ADAM29: variants seen among roughly 807,000 people sequenced by gnomAD.
The protein encoded by ADAM29 is ADAM metallopeptidase domain 29.
For synonymous variants in ADAM29, 367 were observed against 342.3 expected (o/e 1.07, Z -0.80); for missense variants, 969 against 1,001.8 (o/e 0.97, Z 0.44).
At position 174,941,126 on chromosome 4, in the gene ADAM29, A is replaced by G. The variant is rs758909031; in HGVS notation, c.-181+4113A>G. ...AAGCCTGTTAAATTAAGGATTATAG[A>G]TGGTATAAAAAAGAAGAAATTTCAA... On this transcript the variant is annotated intron_variant, in intron 4 of 4. Coordinates refer to ENST00000359240, the MANE Select transcript of ADAM29 (RefSeq NM_014269.4). Among the ~76,000 whole-genome samples, 3 of 152,308 alleles carry G rather than the reference A, an allele frequency of 2.0e-5. No individual in the cohort carries two copies. The East Asian group carries it at 5.8e-4, about 29-fold the overall frequency.
At chr4:174,924,404 T>C (rs1016255294) in intron 2 of ADAM29, among the ~76,000 whole-genome samples, 1 of 151,974 alleles carries the variant, frequency 6.6e-6, no homozygotes, top group Non-Finnish European at 1.5e-5. Flanking sequence ...AGCTTGGGAG[T>C]TTCTTACAAA....
intron 4 of ADAM29, among the ~76,000 whole-genome samples, chr4:174,961,604 G>A (rs1313318882): frequency 3.3e-5 from 5 of 151,872 alleles, no homozygotes; most frequent in Admixed American, 6.6e-5. Context: ...ATCATTTCTC[G>A]TTATTACTAC....
At chr4:174,941,859 A>C (rs1744558668) in intron 4 of ADAM29, among the ~76,000 whole-genome samples, 1 of 152,184 alleles carries the variant, frequency 6.6e-6, no homozygotes, top group African/African-American at 2.4e-5. Flanking sequence ...GTGATAAAAA[A>C]AAGTCCCTTT....
At position 174,969,002 on chromosome 4, in the gene ADAM29, GA is replaced by G. The variant is rs538869680; in HGVS notation, c.-180-6335del. Among the ~76,000 whole-genome samples the G allele has an allele frequency of 6.2e-4, 81 of 130,028 alleles. No individual in the cohort carries two copies. The South Asian group carries it at 0.018, about 29-fold the overall frequency. 85.3% of individuals were successfully genotyped at this position (130,028 alleles called of 152,430 possible). ...TTTTTGCATAAGGGGATTGGTTCTA[GA>G]AAAAAAAAGAAAGATGAGAGGATCT... On this transcript the variant is annotated intron_variant, in intron 4 of 4. Transcript: ENST00000359240.
At chr4:174,951,301 T>C (rs1211700798) in intron 4 of ADAM29, among the ~76,000 whole-genome samples, 1 of 152,210 alleles carries the variant, frequency 6.6e-6, no homozygotes. Flanking sequence ...CTTCAAAACA[T>C]ATGCCAGTTC....
chr4:174,961,043 A>G (rs1745789284), intron 4 of ADAM29, among the ~76,000 whole-genome samples: 2 of 152,146 alleles, frequency 1.3e-5, no homozygotes, highest in South Asian at 2.1e-4. Flanking sequence ...CTCCCTTACA[A>G]AAACCAACCA....
intron 4 of ADAM29, among the ~76,000 whole-genome samples, chr4:174,952,201 A>T (rs1363923220): frequency 6.6e-6 from 1 of 152,138 alleles, no homozygotes; most frequent in East Asian, 1.9e-4. Flanking sequence ...TGTCAAGGGA[A>T]TCAACATTTG....
At chr4:174,937,996 T>G (rs985340624) in intron 4 of ADAM29, among the ~76,000 whole-genome samples, 1 of 152,076 alleles carries the variant, frequency 6.6e-6, no homozygotes, top group Non-Finnish European at 1.5e-5. Context: ...CATGGTCTCG[T>G]GACAATAATA....
At chr4:174,926,252 C>T (rs115235588) in intron 2 of ADAM29, among the ~76,000 whole-genome samples, 1,794 of 152,098 alleles carry the variant, frequency 0.012, 31 homozygotes, top group African/African-American at 0.041. Context: ...AAGAAAAAAC[C>T]GTATCGATAA....
At chr4:174,955,123 CAG>C (rs1261107475) in intron 4 of ADAM29, among the ~76,000 whole-genome samples, 2 of 151,840 alleles carry the variant, frequency 1.3e-5, no homozygotes, top group Non-Finnish European at 1.5e-5. Context: ...TCTTAAATAA[CAG>C]AGCTAGGTTG....
intron 2 of ADAM29, among the ~76,000 whole-genome samples, chr4:174,930,066 C>G (rs1004159684): frequency 3.3e-5 from 5 of 152,170 alleles, no homozygotes; most frequent in Admixed American, 3.3e-4. Flanking sequence ...GTAGCTGGGA[C>G]TACAGGCGCC....
rs1444638660 is a variant in ADAM29, at chr4:174,977,920, G to A, written c.2395G>A (p.Val799Met). 1 of 1,591,130 alleles carries A rather than the reference G, an allele frequency of 6.3e-7. No homozygotes were observed. The highest frequency in any genetic ancestry group is 2.3e-5 in the East Asian group (1 of 43,314). Reference protein sequence around the residue: ...QLTPSQSQPPVTPSQRQPQLM... With the variant: ...QLTPSQSQPPMTPSQRQPQLM... ...GACGCCTTCCCAGAGTCAACCTCCT[G>A]TGACACCCTCCCAGAGGCAACCTCA... The change falls in exon 5 of 5, where the codon GTG becomes ATG. Residue 799 changes from valine (V) to methionine (M), a missense_variant. By Grantham distance (21) the Val-to-Met change is conservative (BLOSUM62 1). Coordinates refer to ENST00000359240, the MANE Select transcript of ADAM29 (RefSeq NM_014269.4).
At chr4:174,938,207 T>C (rs1014217398) in intron 4 of ADAM29, among the ~76,000 whole-genome samples, 19 of 152,056 alleles carry the variant, frequency 1.2e-4, no homozygotes, top group Non-Finnish European at 8.8e-5. Context: ...GATTTAAATA[T>C]TAAAAAACCA....
At position 174,977,021 on chromosome 4, in the gene ADAM29, A is replaced by G. The variant is rs781470565; in HGVS notation, c.1496A>G (p.His499Arg). ...GGCTACTGCTATGAAAAGAGCTGTC[A>G]TGACCGCAATGAACAGTGTAGGAGG... The part of the protein sequence containing the change: ...ERGYCYEKSC[H>R]DRNEQCRRIF... Residue 499 changes from histidine to arginine, a missense_variant, in exon 5 of 5, where the codon CAT (histidine) becomes CGT (arginine). Physicochemically the swap from His to Arg is conservative, Grantham distance 29 (BLOSUM62 0). Transcript: ENST00000359240. The G allele has an allele frequency of 6.2e-6, 10 of 1,614,086 alleles. No homozygotes were observed. Among genetic ancestry groups the G allele is most frequent in the Non-Finnish European group, 5.1e-6 (6 of 1,180,046 alleles).
At position 174,977,644 on chromosome 4, in the gene ADAM29, C is replaced by G; in HGVS notation, c.2119C>G (p.Gln707Glu). 1 of 1,614,180 alleles carries G rather than the reference C, an allele frequency of 6.2e-7. No individual in the cohort carries two copies. Among genetic ancestry groups the G allele is most frequent in the South Asian group, 1.1e-5 (1 of 91,082 alleles). The change falls in exon 5 of 5, where the codon CAG becomes GAG. Residue 707 changes from glutamine to glutamate, a missense_variant. By Grantham distance (29) the Gln-to-Glu change is conservative (BLOSUM62 2). Coordinates refer to ENST00000359240, the MANE Select transcript of ADAM29 (RefSeq NM_014269.4). ...LCKKSKPIKK[Q>E]QDVQTPSAKE... is the part of the protein sequence containing the mutation. ...TAAAAAAAGTAAACCAATAAAAAAG[C>G]AGCAAGATGTTCAAACTCCATCTGC...
rs964181107 is a variant in ADAM29 at position 174,975,384 on chromosome 4, A to G, written c.-142A>G. On this transcript the variant is annotated 5_prime_UTR_variant, in exon 5 of 5. Transcript: ENST00000359240. ...ATGGTTCAACTCTGCCAAAAGATGG[A>G]TCTTTAATGATTAGCACTACACACT... The G allele has an allele frequency of 1.7e-5, 11 of 644,984 alleles. No homozygotes were observed. The highest frequency in any genetic ancestry group is 2.6e-5 in the Non-Finnish European group (11 of 427,050). The allele number at this position is 644,984 out of a possible 1,614,324, so 40.0% of individuals were successfully genotyped here. A position where few individuals can be genotyped will look rare whatever the true frequency, so the allele number is the denominator to read the frequency against.
chr4:174,960,514 T>A (rs1212769846), intron 4 of ADAM29, among the ~76,000 whole-genome samples: 1 of 152,130 alleles, frequency 6.6e-6, no homozygotes, highest in Non-Finnish European at 1.5e-5. Flanking sequence ...GTTTTCTGTA[T>A]TTTTTAGGTA....
At chr4:174,947,289 A>C (rs6834818) in intron 4 of ADAM29, among the ~76,000 whole-genome samples, 60,886 of 151,820 alleles carry the variant, frequency 0.4, 13,790 homozygotes, top group East Asian at 0.67. Flanking sequence ...GTCTTCTGCT[A>C]GCTTTGGGGT....
At chr4:174,955,353 T>A (rs1316232619) in intron 4 of ADAM29, among the ~76,000 whole-genome samples, 1 of 151,910 alleles carries the variant, frequency 6.6e-6, no homozygotes, top group African/African-American at 2.4e-5. Context: ...GAAGAAGACA[T>A]GAATTAACAA....
Sources: allele counts gnomAD v4.1 joint callset (sites outside exome capture counted in the v4.1 genomes callset), GRCh38; gene constraint gnomAD v4.1.1; transcripts MANE v1.5; gene names NCBI Gene and HGNC (gene_info 2026-07-23, HGNC 2026-07-21).